PIGN: variants seen among roughly 807,000 people sequenced by gnomAD.
PIGN encodes the protein phosphatidylinositol glycan anchor biosynthesis class N, also known as GPI ethanolamine phosphate transferase 1.
Under a neutral mutation model 125.4 loss-of-function variants are expected in PIGN, and 117 were observed. The ratio of observed to expected loss-of-function variants is 0.93; its 90% CI spans 0.80 to 1.09. PIGN has a LOEUF of 1.09. PIGN is among the 50% of genes least tolerant of loss of function. The pLI, the probability that PIGN is intolerant of heterozygous loss-of-function variation, is 0.00. For synonymous variants in PIGN, 392 were observed against 377.8 expected (o/e 1.04, Z -0.44); for missense variants, 1,075 against 1,094.9 (o/e 0.98, Z 0.26).
At chr18:62,054,993 G>T (rs2031613355) in intron 30 of PIGN, among the ~76,000 whole-genome samples, 1 of 152,136 alleles carries the variant, frequency 6.6e-6, no homozygotes, top group East Asian at 1.9e-4. Context: ...GCCAAAATGA[G>T]ATATCACTAC....
intron 28 of PIGN, among the ~76,000 whole-genome samples, chr18:62,076,234 A>G (rs1320356572): frequency 6.6e-6 from 1 of 152,166 alleles, no homozygotes; most frequent in African/African-American, 2.4e-5. Context: ...CGCCCAACCC[A>G]TTGTGGTTTT....
chr18:62,171,765 GAATT>G (rs1274999232), intron 1 of PIGN, among the ~76,000 whole-genome samples: 2 of 152,080 alleles, frequency 1.3e-5, no homozygotes, highest in African/African-American at 4.8e-5. Flanking sequence ...TTAATGTGGT[GAATT>G]AATATTGATT....
intron 1 of PIGN, chr18:62,174,374 CA>C (rs1482912095): frequency 2.0e-5 from 3 of 152,130 alleles, no homozygotes; most frequent in African/African-American, 7.2e-5. Flanking sequence ...TCTATATTCA[CA>C]ACATTCTTCC....
intron 14 of PIGN, among the ~76,000 whole-genome samples, chr18:62,127,686 GT>G (rs34748456): frequency 0.98 from 147,502 of 150,948 alleles, 72,141 homozygotes; most frequent in South Asian, 1. Flanking sequence ...TTTTTTGTGT[GT>G]TTTTTTTTTG....
At chr18:62,033,625 C>T (rs1222752747) in intron 23 of PIGN, among the ~76,000 whole-genome samples, 4 of 152,134 alleles carry the variant, frequency 2.6e-5, no homozygotes, top group Non-Finnish European at 5.9e-5. Context: ...CTTATTTGAA[C>T]TCTTCCCTCA....
intron 1 of PIGN, among the ~76,000 whole-genome samples, chr18:62,182,674 A>G (rs1053179908): frequency 6.6e-6 from 1 of 152,178 alleles, no homozygotes; most frequent in Non-Finnish European, 1.5e-5. Flanking sequence ...TAGCCAGAGT[A>G]TTACTTGCTT....
intron 1 of PIGN, among the ~76,000 whole-genome samples, chr18:62,185,123 T>C (rs567154182): frequency 2.6e-5 from 4 of 152,210 alleles, no homozygotes; most frequent in Non-Finnish European, 5.9e-5. Flanking sequence ...ATATTGTATA[T>C]AAACAATCCA....
Position 62,043,751 on chromosome 18 carries a change from T to C in PIGN, c.*2105A>G, listed in dbSNP as rs372580039. 6.6e-5 allele frequency: 10 copies of C among 152,290 alleles called. No individual in the cohort carries two copies. In the South Asian group the frequency reaches 8.3e-4, roughly 13 times the overall value. The allele number at this position is 152,290 out of a possible 1,614,324, so 9.4% of individuals were successfully genotyped here. A position where few individuals can be genotyped will look rare whatever the true frequency, so the allele number is the denominator to read the frequency against. On this transcript the variant is annotated 3_prime_UTR_variant, in exon 31 of 31. Transcript: ENST00000640252. ...TTTATTCATGGGCCCTCTAAGATGA[T>C]AGCATGGCCTTTTTTTGGTTCAATA...
At chr18:62,157,878 C>T in intron 4 of PIGN, 70 bp from the exon 5 acceptor site, 1 of 1,369,304 alleles carries the variant, frequency 7.3e-7, no homozygotes, top group South Asian at 1.4e-5. Context: ...GCTTTAGAAA[C>T]ATAAGATTAT....
At chr18:62,159,864 C>T (rs1056464388) in intron 4 of PIGN, among the ~76,000 whole-genome samples, 1 of 152,206 alleles carries the variant, frequency 6.6e-6, no homozygotes, top group African/African-American at 2.4e-5. Context: ...CCTGTAATCC[C>T]AGCACTTGGG....
intron 14 of PIGN, among the ~76,000 whole-genome samples, chr18:62,123,981 T>C (rs2035408644): frequency 6.6e-6 from 1 of 152,110 alleles, no homozygotes; most frequent in Non-Finnish European, 1.5e-5. Flanking sequence ...AATTCTACTT[T>C]TATGAACTAA....
Position 62,095,927 on chromosome 18 carries a change from G to A in PIGN, c.2101C>T (p.Leu701=), listed in dbSNP as rs772075726. 1.2e-4 allele frequency: 186 copies of A among 1,611,692 alleles called. No individual in the cohort carries two copies. Among genetic ancestry groups the A allele is most frequent in the Non-Finnish European group, 8.8e-5 (104 of 1,178,166 alleles). The change falls in exon 23 of 31, where the codon CTG becomes TTG. Residue 701 remains leucine, a synonymous_variant. Transcript: ENST00000640252. The part of the protein sequence containing the change: ...TLASSLVVPL[L]SSPVLFQRLF... Reference sequence around the variant, plus strand: ...CGCTGAAAGAGAACTGGAGAACTCAGTAGTGGCACAACCAAGGAAGAGGCT... The same window carrying A: ...CGCTGAAAGAGAACTGGAGAACTCAATAGTGGCACAACCAAGGAAGAGGCT...
Position 62,102,871 on chromosome 18 carries a change from A to G in PIGN, c.1891T>C (p.Ser631Pro), listed in dbSNP as rs931135444. The G allele has an allele frequency of 5.0e-6, 8 of 1,586,318 alleles. No individual in the cohort carries two copies. Among genetic ancestry groups the G allele is most frequent in the Non-Finnish European group, 5.1e-6 (6 of 1,165,256 alleles). ...ATGAGAGATGTTACAACACACAGGG[A>G]TAACAGAAGAACCAGCAAGCCTGCA... Reference protein sequence around the residue: ...MGAGLLVLLLSLCVVTSLMKR... With the variant: ...MGAGLLVLLLPLCVVTSLMKR... The change falls in exon 21 of 31, where the codon TCC becomes CCC. Residue 631 changes from serine (S) to proline (P), a missense_variant. Transcript: ENST00000640252.
At chr18:62,070,879 C>A (rs1365306783) in intron 30 of PIGN, among the ~76,000 whole-genome samples, 1 of 152,100 alleles carries the variant, frequency 6.6e-6, no homozygotes, top group Admixed American at 6.5e-5. Context: ...TCATGGCTCA[C>A]TAAACTCTTT....
chr18:62,025,190 T>C (rs186197214), intron 23 of PIGN, among the ~76,000 whole-genome samples: 38 of 152,352 alleles, frequency 2.5e-4, no homozygotes, highest in African/African-American at 8.7e-4. Flanking sequence ...TTTACTCATA[T>C]ATGTATTTGC....
chr18:62,079,535 T>C (rs1389791858), intron 28 of PIGN, among the ~76,000 whole-genome samples: 1 of 152,180 alleles, frequency 6.6e-6, no homozygotes, highest in East Asian at 1.9e-4. Context: ...ATACAAAAAA[T>C]CTGACCCAGG....
chr18:62,106,428 G>A (rs1039029863), intron 19 of PIGN, among the ~76,000 whole-genome samples: 7 of 151,496 alleles, frequency 4.6e-5, no homozygotes, highest in Admixed American at 2.0e-4. Flanking sequence ...GGTGTTTCCT[G>A]TGACTCACAG....
rs1281250883 is a variant in PIGN, at chr18:62,161,365, CTAAT to C, written c.-16_-13del. 2 of 1,578,920 alleles carry C rather than the reference CTAAT, an allele frequency of 1.3e-6. No individual in the cohort carries two copies. Among genetic ancestry groups the C allele is most frequent in the Non-Finnish European group, 1.7e-6 (2 of 1,151,502 alleles). On this transcript the variant is annotated 5_prime_UTR_variant, in exon 4 of 31. It removes the in-frame stop codon of an upstream open reading frame in the 5' UTR. Transcript: ENST00000640252. ...AAGAACAGCAGCATATCCAGTGTAA[CTAAT>C]TAGTCTTCAAGAACAGCTGAAAGAG...
At position 62,095,929 on chromosome 18, in the gene PIGN, A is replaced by G. The variant is rs760529586; in HGVS notation, c.2099T>C (p.Leu700Pro). 8.7e-6 allele frequency: 14 copies of G among 1,611,730 alleles called. No homozygotes were observed. The East Asian group carries it at 3.1e-4, about 36-fold the overall frequency. Residue 700 changes from leucine to proline, a missense_variant, in exon 23 of 31, where the codon CTA becomes CCA. By Grantham distance (98) the Leu-to-Pro change is moderately conservative. Around this residue, in one of 3 missense-constraint regions of PIGN, gnomAD observed 915 missense variants for 908.7 expected, o/e 1.01. Transcript: ENST00000640252. ...CTGAAAGAGAACTGGAGAACTCAGT[A>G]GTGGCACAACCAAGGAAGAGGCTGC... is the stretch of plus-strand genomic sequence containing the variant. ...ATLASSLVVP[L>P]LSSPVLFQRL...
Sources: gnomAD v4.1 joint callset for allele counts (sites outside exome capture counted in the v4.1 genomes callset) on GRCh38, gnomAD v4.1.1 for gene constraint, gnomAD v4.1.1 regional missense constraint, MANE v1.5 for transcripts, NCBI Gene and HGNC (gene_info 2026-07-23, HGNC 2026-07-21) for gene names.